SH3RF3: variants seen among roughly 807,000 people sequenced by gnomAD.
SH3RF3 encodes E3 ubiquitin-protein ligase SH3RF3.
Under a neutral mutation model 66.3 loss-of-function variants are expected in SH3RF3, and 29 were observed. That is an observed-to-expected ratio of 0.44 (90% confidence interval 0.33 to 0.60). The LOEUF (loss-of-function observed/expected upper bound fraction) is 0.60, where lower values mean the gene tolerates loss of function less well. SH3RF3 is among the 20% of genes least tolerant of loss of function. The pLI is 0.04. For synonymous variants in SH3RF3, 583 were observed against 532.0 expected (o/e 1.10, Z -1.32); for missense variants, 1,194 against 1,190.9 (o/e 1.00, Z -0.04).
chr2:109,354,222 G>A (rs552230988), intron 2 of SH3RF3, among the ~76,000 whole-genome samples: 1 of 152,352 alleles, frequency 6.6e-6, no homozygotes, highest in African/African-American at 2.4e-5. Context: ...TGGCTGACCT[G>A]TGTGCCGCCA....
intron 1 of SH3RF3, among the ~76,000 whole-genome samples, chr2:109,209,949 G>C (rs1323658227): frequency 6.6e-6 from 1 of 152,144 alleles, no homozygotes; most frequent in African/African-American, 2.4e-5. Flanking sequence ...TTTCCAAACT[G>C]TGTCCCCATT....
rs575752133 is a variant in SH3RF3, at chr2:109,384,643, C to T, written c.945+12962C>T. On this transcript the variant is annotated intron_variant, in intron 3 of 9. Coordinates refer to ENST00000309415, the MANE Select transcript of SH3RF3 (RefSeq NM_001099289.3). ...CTGCCGAGTGCCCGCGACCTTGTGC[C>T]TGTGTCCATAGACTCCTCCTGACCA... Among the ~76,000 whole-genome samples, 13 of 152,320 alleles carry T rather than the reference C, an allele frequency of 8.5e-5. No homozygotes were observed. In the East Asian group the frequency reaches 2.5e-3, roughly 29 times the overall value.
At chr2:109,391,077 C>T (rs935415933) in intron 3 of SH3RF3, among the ~76,000 whole-genome samples, 1 of 152,206 alleles carries the variant, frequency 6.6e-6, no homozygotes, top group Non-Finnish European at 1.5e-5. Flanking sequence ...TTTGTCCAGT[C>T]CATAAGAGGG....
chr2:109,454,173 A>G (rs1677969262), intron 8 of SH3RF3, among the ~76,000 whole-genome samples: 3 of 152,374 alleles, frequency 2.0e-5, no homozygotes, highest in Middle Eastern at 3.4e-3. Flanking sequence ...AGACATATTC[A>G]TAATAAAATA....
In SH3RF3 at chr2:109,129,932, C is replaced by T. The variant is rs1447921625; in HGVS notation, c.392C>T (p.Pro131Leu). ...CAGCGGCCCCGCGCGGGCACCAGCC[C>T]CGGCGGCAGCCCGCCCGCGCGTCCC... The part of the protein sequence containing the change: ...IRQRPRAGTS[P>L]GGSPPARPIP... Residue 131 changes from proline (P) to leucine (L), a missense_variant, in exon 1 of 10, where the codon CCC becomes CTC. Pro to Leu is a moderately conservative substitution (Grantham distance 98). Transcript: ENST00000309415. The T allele has an allele frequency of 2.0e-6, 3 of 1,481,800 alleles. No individual in the cohort carries two copies. Among genetic ancestry groups the T allele is most frequent in the Non-Finnish European group, 2.7e-6 (3 of 1,123,006 alleles). 91.8% of individuals were successfully genotyped at this position (1,481,800 alleles called of 1,614,324 possible).
chr2:109,229,970 G>A (rs1056675486), intron 1 of SH3RF3, among the ~76,000 whole-genome samples: 4 of 151,686 alleles, frequency 2.6e-5, no homozygotes, highest in Admixed American at 6.6e-5. Flanking sequence ...GACTACAGGC[G>A]CACGCCAGTA....
chr2:109,350,628 C>T (rs1476119108), intron 2 of SH3RF3, among the ~76,000 whole-genome samples: 1 of 152,240 alleles, frequency 6.6e-6, no homozygotes. Flanking sequence ...ACATGGGCAA[C>T]TCCATGTGAC....
chr2:109,439,319 G>T (rs543518605), intron 7 of SH3RF3, among the ~76,000 whole-genome samples: 1 of 152,120 alleles, frequency 6.6e-6, no homozygotes, highest in African/African-American at 2.4e-5. Context: ...TTGTCCCCAC[G>T]CTATTGCTGT....
Position 109,490,919 on chromosome 2 carries a change from G to A in SH3RF3, c.2463G>A (p.Lys821=). Residue 821 remains lysine, a synonymous_variant, in exon 9 of 10, where the codon AAG becomes AAA. Coordinates refer to ENST00000309415, the MANE Select transcript of SH3RF3 (RefSeq NM_001099289.3). The part of the protein sequence containing the change: ...LSMAAIRPEP[K]LLPRERYRVV... The stretch of plus-strand genomic sequence containing the variant: ...TGGCTGCCATCCGCCCCGAGCCCAA[G>A]CTGTTGCCCAGAGAGAGGTAAGTGC... The A allele has an allele frequency of 6.6e-7, 1 of 1,505,014 alleles. No individual in the cohort carries two copies. The highest frequency in any genetic ancestry group is 1.3e-5 in the South Asian group (1 of 79,354). The allele number at this position is 1,505,014 out of a possible 1,614,324, so 93.2% of individuals were successfully genotyped here. A position where few individuals can be genotyped will look rare whatever the true frequency, so the allele number is the denominator to read the frequency against.
At chr2:109,167,439 T>A (rs1677655549) in intron 1 of SH3RF3, among the ~76,000 whole-genome samples, 1 of 152,208 alleles carries the variant, frequency 6.6e-6, no homozygotes, top group Admixed American at 6.5e-5. Context: ...CAAGGGGTGA[T>A]GATTGGTAGA....
At chr2:109,172,997 A>G (rs1490716613) in intron 1 of SH3RF3, among the ~76,000 whole-genome samples, 1 of 152,270 alleles carries the variant, frequency 6.6e-6, no homozygotes, top group Non-Finnish European at 1.5e-5. Flanking sequence ...GTCTTCACGC[A>G]GATGTCAGTA....
chr2:109,494,001 C>T (rs1239755570), intron 9 of SH3RF3, among the ~76,000 whole-genome samples: 3 of 152,196 alleles, frequency 2.0e-5, no homozygotes, highest in Admixed American at 6.5e-5. Flanking sequence ...CTGTGTTTTC[C>T]GGATGGGTCC....
At chr2:109,339,857 A>T (rs1353642565) in intron 1 of SH3RF3, among the ~76,000 whole-genome samples, 2 of 152,194 alleles carry the variant, frequency 1.3e-5, no homozygotes, top group African/African-American at 4.8e-5. Flanking sequence ...ACTGACCCAC[A>T]GCTGCCCTTT....
chr2:109,164,649 A>T (rs10176294), intron 1 of SH3RF3, among the ~76,000 whole-genome samples: 6,234 of 152,248 alleles, frequency 0.041, 413 homozygotes, highest in African/African-American at 0.14. Flanking sequence ...GGGAGGGGGA[A>T]AAAAGAGCAC....
intron 1 of SH3RF3, among the ~76,000 whole-genome samples, chr2:109,155,435 T>A (rs1053424951): frequency 5.9e-5 from 9 of 152,180 alleles, no homozygotes; most frequent in African/African-American, 2.2e-4. Context: ...CCCGAGTAGC[T>A]GGGACTACAG....
intron 4 of SH3RF3, among the ~76,000 whole-genome samples, chr2:109,409,222 C>A (rs1676526461): frequency 5.3e-5 from 8 of 152,156 alleles, no homozygotes; most frequent in Admixed American, 3.9e-4. Flanking sequence ...CAGTTATTGG[C>A]CCAGTAAGAC....
At chr2:109,441,132 C>A (rs77498244) in intron 7 of SH3RF3, among the ~76,000 whole-genome samples, 212 of 133,870 alleles carry the variant, frequency 1.6e-3, no homozygotes, top group Non-Finnish European at 1.7e-3. Flanking sequence ...TATAGGAATA[C>A]AAAAAAAAAA....
chr2:109,154,989 C>A (rs1025346437), intron 1 of SH3RF3, among the ~76,000 whole-genome samples: 1 of 152,144 alleles, frequency 6.6e-6, no homozygotes, highest in Admixed American at 6.5e-5. Context: ...TGATAGCCAG[C>A]CTTCATAGGA....
chr2:109,254,415 G>A (rs1415251744), intron 1 of SH3RF3, among the ~76,000 whole-genome samples: 1 of 152,130 alleles, frequency 6.6e-6, no homozygotes, highest in African/African-American at 2.4e-5. Context: ...TCATTGGACT[G>A]TTGGGGAGGT....
Sources: gnomAD v4.1 joint callset for allele counts (sites outside exome capture counted in the v4.1 genomes callset) on GRCh38, gnomAD v4.1.1 for gene constraint, MANE v1.5 for transcripts, NCBI Gene and HGNC (gene_info 2026-07-23, HGNC 2026-07-21) for gene names.